Variants in RGS17 observed in about 807,000 individuals in gnomAD.
The protein encoded by RGS17 is regulator of G protein signaling 17.
RGS17 carries 12 observed loss-of-function variants against 25.5 expected under a neutral mutation model. The ratio of observed to expected loss-of-function variants is 0.47; its 90% CI spans 0.30 to 0.76. RGS17 has a LOEUF of 0.76. RGS17 is among the 30% of genes least tolerant of loss of function. RGS17 has a pLI of 0.07. For missense variants in RGS17, 196 were observed against 242.2 expected, an observed-to-expected ratio of 0.81 and a Z score of 1.27; for synonymous variants, 71 against 76.9, an observed-to-expected ratio of 0.92 and a Z score of 0.40.
chr6:153,024,195 G>T, intron 4 of RGS17, 67 bp downstream of exon 4: 1 of 1,037,186 alleles, frequency 9.6e-7, no homozygotes, highest in Non-Finnish European at 1.5e-6. Context: ...ACCCAATGTG[G>T]ACAGCCATCC....
chr6:153,024,421 T>C lies in RGS17; in HGVS notation c.285A>G (p.Arg95=). 1 of 1,614,234 alleles carries C rather than the reference T, an allele frequency of 6.2e-7. No individual in the cohort carries two copies. The highest frequency in any genetic ancestry group is 2.2e-5 in the East Asian group (1 of 44,888). ...FDKMMKAPAG[R]NLFREFLRTE... is the part of the protein sequence containing the mutation. ...TTCGGAGGAACTCTCTGAAAAGGTT[T>C]CTTCCTGCTGGGGCCTTCATCATCT... is the stretch of plus-strand genomic sequence containing the variant. Residue 95 remains arginine, a synonymous_variant, in exon 4 of 5, where the codon AGA becomes AGG. Coordinates refer to ENST00000206262, the MANE Select transcript of RGS17 (RefSeq NM_012419.5).
intron 1 of RGS17, among the ~76,000 whole-genome samples, chr6:153,113,805 T>C (rs1461737006): frequency 6.6e-6 from 1 of 152,180 alleles, no homozygotes; most frequent in Non-Finnish European, 1.5e-5. Context: ...ACATGGAAAC[T>C]GAACAACCTG....
At chr6:153,112,875 G>C (rs538564461) in intron 1 of RGS17, among the ~76,000 whole-genome samples, 21 of 152,278 alleles carry the variant, frequency 1.4e-4, no homozygotes, top group Non-Finnish European at 2.5e-4. Context: ...CAAATGCTGA[G>C]AGATTTTGTC....
intron 2 of RGS17, among the ~76,000 whole-genome samples, chr6:153,034,861 T>C (rs376365087): frequency 6.6e-6 from 1 of 152,152 alleles, no homozygotes; most frequent in African/African-American, 2.4e-5. Flanking sequence ...ATAATCTATA[T>C]TGCTTTGGCT....
At position 153,011,201 on chromosome 6, in the gene RGS17, C is replaced by T. The variant is rs1779128736; in HGVS notation, c.*373G>A. ...CATATTGCACAAAAGTCCTTAAATA[C>T]AGATATAAGTTATGCTACTGGATTA... On this transcript the variant is annotated 3_prime_UTR_variant, in exon 5 of 5. Coordinates refer to ENST00000206262, the MANE Select transcript of RGS17 (RefSeq NM_012419.5). 1 of 164,112 alleles carries T rather than the reference C, an allele frequency of 6.1e-6. No homozygotes were observed. Among genetic ancestry groups the T allele is most frequent in the African/African-American group, 2.4e-5 (1 of 41,630 alleles). 10.2% of individuals were successfully genotyped at this position (164,112 alleles called of 1,614,324 possible).
At chr6:153,052,596 T>C (rs1267479483) in intron 1 of RGS17, among the ~76,000 whole-genome samples, 2 of 148,884 alleles carry the variant, frequency 1.3e-5, no homozygotes, top group Admixed American at 6.7e-5. Context: ...GAATGAATGA[T>C]ACCTTAAGAA....
chr6:153,107,376 T>C (rs1777401635), intron 1 of RGS17, among the ~76,000 whole-genome samples: 1 of 152,178 alleles, frequency 6.6e-6, no homozygotes, highest in South Asian at 2.1e-4. Context: ...TGGCACCATG[T>C]TCTCTCCAAA....
intron 2 of RGS17, among the ~76,000 whole-genome samples, chr6:153,042,776 T>G (rs73010416): frequency 0.055 from 8,386 of 152,256 alleles, 293 homozygotes; most frequent in Admixed American, 0.14. Flanking sequence ...GTCACCAAGG[T>G]TACCACTCTA....
chr6:153,068,291 C>CA (rs112545271), intron 1 of RGS17, among the ~76,000 whole-genome samples: 1 of 151,658 alleles, frequency 6.6e-6, no homozygotes, highest in Admixed American at 6.6e-5. Context: ...ACTAAAAATA[C>CA]AAAAAACTAG....
At chr6:153,026,656 G>T in intron 2 of RGS17, 113 bp from the exon 3 acceptor site, 1 of 715,756 alleles carries the variant, frequency 1.4e-6, no homozygotes, top group Non-Finnish European at 2.3e-6. Context: ...AACTATGTGA[G>T]AATATTTAAA....
intron 1 of RGS17, among the ~76,000 whole-genome samples, chr6:153,067,350 T>C (rs186027404): frequency 2.0e-5 from 3 of 152,146 alleles, no homozygotes; most frequent in African/African-American, 7.2e-5. Context: ...GGCATTCGAA[T>C]TGGAAAGGAA....
At chr6:153,017,408 A>C (rs1332746098) in intron 4 of RGS17, among the ~76,000 whole-genome samples, 1 of 152,200 alleles carries the variant, frequency 6.6e-6, no homozygotes, top group Non-Finnish European at 1.5e-5. Context: ...AGGTAAAGCG[A>C]GGAGAATGAA....
intron 1 of RGS17, among the ~76,000 whole-genome samples, chr6:153,117,079 A>T (rs899873594): frequency 1.1e-4 from 16 of 152,120 alleles, no homozygotes; most frequent in Non-Finnish European, 2.1e-4. Context: ...ATAATAATTT[A>T]AAAAAAGAAA....
At position 153,015,866 on chromosome 6, in the gene RGS17, G is replaced by C. The variant is rs189759987; in HGVS notation, c.445-4104C>G. 4.3e-4 allele frequency among the ~76,000 whole-genome samples: 65 copies of C among 152,180 alleles called. No homozygotes were observed. The East Asian group carries it at 0.012, about 28-fold the overall frequency. On this transcript the variant is annotated intron_variant, in intron 4 of 4. Coordinates refer to ENST00000206262, the MANE Select transcript of RGS17 (RefSeq NM_012419.5). The stretch of plus-strand genomic sequence containing the variant: ...GACGGGGTTTCTCCGTGTTAGCCAG[G>C]ATGTTCTCAATCTCCTGACCTCGTG...
At chr6:153,129,338 G>A (rs1777750082) in intron 1 of RGS17, among the ~76,000 whole-genome samples, 1 of 152,144 alleles carries the variant, frequency 6.6e-6, no homozygotes, top group South Asian at 2.1e-4. Flanking sequence ...TCATTCATTT[G>A]TATTAAATCA....
intron 2 of RGS17, among the ~76,000 whole-genome samples, chr6:153,031,655 A>G (rs1234904943): frequency 1.3e-5 from 2 of 152,180 alleles, no homozygotes; most frequent in Non-Finnish European, 2.9e-5. Flanking sequence ...CTGCAATGCC[A>G]TTTCTCTTTA....
chr6:153,066,059 A>C (rs1776702946), intron 1 of RGS17, among the ~76,000 whole-genome samples: 1 of 152,132 alleles, frequency 6.6e-6, no homozygotes, highest in African/African-American at 2.4e-5. Flanking sequence ...AAAAGAGAGA[A>C]GATCCAAATA....
chr6:153,030,202 G>A (rs1779346163), intron 2 of RGS17, among the ~76,000 whole-genome samples: 1 of 152,176 alleles, frequency 6.6e-6, no homozygotes, highest in Non-Finnish European at 1.5e-5. Context: ...GGGGTGGATT[G>A]TTTGTTTACA....
chr6:153,128,450 C>T (rs1777737752), intron 1 of RGS17, among the ~76,000 whole-genome samples: 1 of 152,160 alleles, frequency 6.6e-6, no homozygotes, highest in Non-Finnish European at 1.5e-5. Flanking sequence ...GCCTACCTTC[C>T]TTTTCCAGGA....
Sources: gnomAD v4.1 joint callset for allele counts (sites outside exome capture counted in the v4.1 genomes callset) on GRCh38, gnomAD v4.1.1 for gene constraint, MANE v1.5 for transcripts, NCBI Gene and HGNC (gene_info 2026-07-23, HGNC 2026-07-21) for gene names.